Variants in FHIT observed in about 807,000 individuals in gnomAD.
FHIT encodes the protein fragile histidine triad diadenosine triphosphatase.
A neutral mutation model predicts 17.9 loss-of-function variants in FHIT; 19 were observed. The ratio of observed to expected loss-of-function variants is 1.06; its 90% CI spans 0.74 to 1.56. The LOEUF (loss-of-function observed/expected upper bound fraction) is 1.56, where lower values mean the gene tolerates loss of function less well. Ranked by LOEUF, FHIT falls within the 40% of genes most tolerant of loss-of-function variation. FHIT has a pLI of 0.00. For synonymous variants in FHIT, 81 were observed against 69.7 expected (o/e 1.16, Z -0.81); for missense variants, 248 against 189.2 (o/e 1.31, Z -1.82).
intron 1 of FHIT, among the ~76,000 whole-genome samples, chr3:61,244,723 G>A (rs1397533480): frequency 2.6e-5 from 4 of 152,188 alleles, no homozygotes; most frequent in African/African-American, 9.6e-5. Flanking sequence ...GGGTTACAGA[G>A]AATCTGAACA....
At chr3:60,656,531 C>T (rs2040120320) in intron 4 of FHIT, among the ~76,000 whole-genome samples, 1 of 152,150 alleles carries the variant, frequency 6.6e-6, no homozygotes, top group African/African-American at 2.4e-5. Context: ...CTCCTCCTCT[C>T]TCCAAAGGGA....
chr3:59,814,847 G>A (rs1302131869), intron 8 of FHIT, among the ~76,000 whole-genome samples: 1 of 151,912 alleles, frequency 6.6e-6, no homozygotes, highest in Non-Finnish European at 1.5e-5. Flanking sequence ...TTGTCCTCCT[G>A]TTCTCACAAA....
chr3:61,177,101 T>C (rs1463023219), intron 2 of FHIT, among the ~76,000 whole-genome samples: 4 of 150,732 alleles, frequency 2.7e-5, no homozygotes, highest in Non-Finnish European at 5.9e-5. Flanking sequence ...GGTGTGAACC[T>C]GGGAGGCGGA....
At chr3:61,075,315 A>G (rs2034939521) in intron 2 of FHIT, among the ~76,000 whole-genome samples, 1 of 152,116 alleles carries the variant, frequency 6.6e-6, no homozygotes, top group African/African-American at 2.4e-5. Flanking sequence ...GGGGAGTACT[A>G]TAAGGGATGT....
intron 5 of FHIT, among the ~76,000 whole-genome samples, chr3:60,276,227 C>T (rs996116609): frequency 6.6e-6 from 1 of 152,102 alleles, no homozygotes; most frequent in African/African-American, 2.4e-5. Flanking sequence ...ACCTCGTGAT[C>T]CGCCTGCCTC....
At chr3:60,787,854 A>G (rs1553727394) in intron 4 of FHIT, among the ~76,000 whole-genome samples, 1 of 152,178 alleles carries the variant, frequency 6.6e-6, no homozygotes, top group Non-Finnish European at 1.5e-5. Flanking sequence ...TTTCTGATCT[A>G]TTAAATGCCA....
chr3:60,170,234 G>A (rs1056182380), intron 5 of FHIT, among the ~76,000 whole-genome samples: 5 of 152,120 alleles, frequency 3.3e-5, no homozygotes, highest in Non-Finnish European at 4.4e-5. Context: ...GCAAGTGGCT[G>A]GGCAACTGTC....
intron 5 of FHIT, among the ~76,000 whole-genome samples, chr3:60,341,130 T>C (rs545107410): frequency 3.5e-4 from 54 of 152,334 alleles, no homozygotes; most frequent in African/African-American, 1.3e-3. Context: ...ACGGATTTTG[T>C]TATACGATGA....
intron 8 of FHIT, among the ~76,000 whole-genome samples, chr3:59,791,894 C>T (rs1699577659): frequency 6.6e-6 from 1 of 152,130 alleles, no homozygotes; most frequent in Non-Finnish European, 1.5e-5. Flanking sequence ...AGAAAATGGC[C>T]TTCAGCCAGT....
chr3:60,324,444 G>C (rs1048883731), intron 5 of FHIT, among the ~76,000 whole-genome samples: 1 of 152,082 alleles, frequency 6.6e-6, no homozygotes, highest in African/African-American at 2.4e-5. Flanking sequence ...AATTAGCCGG[G>C]CGTGGTGGCG....
At chr3:60,100,467 G>A (rs568043665) in intron 5 of FHIT, among the ~76,000 whole-genome samples, 133 of 152,136 alleles carry the variant, frequency 8.7e-4, no homozygotes, top group Non-Finnish European at 1.7e-3. Context: ...TTTGACTCTT[G>A]GCCAAGTCCA....
chr3:60,261,171 T>A (rs991542853), intron 5 of FHIT, among the ~76,000 whole-genome samples: 1 of 152,060 alleles, frequency 6.6e-6, no homozygotes, highest in Admixed American at 6.6e-5. Flanking sequence ...AAAGTACTTA[T>A]CCCTTTACTT....
At chr3:61,168,532 G>T (rs1446320657) in intron 2 of FHIT, among the ~76,000 whole-genome samples, 5 of 152,198 alleles carry the variant, frequency 3.3e-5, no homozygotes, top group African/African-American at 1.2e-4. Flanking sequence ...GAAGACCCAA[G>T]TCAACCTTGT....
intron 4 of FHIT, among the ~76,000 whole-genome samples, chr3:60,600,331 A>T (rs2038401840): frequency 6.9e-6 from 1 of 144,338 alleles, no homozygotes; most frequent in African/African-American, 2.6e-5. Flanking sequence ...ATTAAAAAAA[A>T]ATAAGCAGCA....
chr3:60,309,984 G>C (rs1385336613), intron 5 of FHIT, among the ~76,000 whole-genome samples: 1 of 152,078 alleles, frequency 6.6e-6, no homozygotes. Context: ...AGCTCCTTGA[G>C]GACAAGGACA....
chr3:60,818,218 G>C (rs577408470), intron 4 of FHIT, among the ~76,000 whole-genome samples: 1 of 152,182 alleles, frequency 6.6e-6, no homozygotes, highest in African/African-American at 2.4e-5. Flanking sequence ...TCCCACATTT[G>C]GCTCATCTTG....
At chr3:59,972,031 T>C (rs1425472761) in intron 7 of FHIT, among the ~76,000 whole-genome samples, 2 of 152,116 alleles carry the variant, frequency 1.3e-5, no homozygotes, top group Non-Finnish European at 2.9e-5. Context: ...CAGCCTTGAA[T>C]GGATAGGAAT....
At chr3:61,035,914 T>A (rs1037394317) in intron 3 of FHIT, among the ~76,000 whole-genome samples, 2 of 152,350 alleles carry the variant, frequency 1.3e-5, no homozygotes, top group Admixed American at 1.3e-4. Flanking sequence ...AGGTGTTCAG[T>A]TTCATTTCTC....
intron 4 of FHIT, among the ~76,000 whole-genome samples, chr3:60,539,636 T>C (rs2107604369): frequency 1.3e-5 from 2 of 152,298 alleles, no homozygotes; most frequent in South Asian, 4.1e-4. Context: ...TTCATGTCCT[T>C]TGTAGGGACA....
Sources: gnomAD v4.1 joint callset for allele counts (sites outside exome capture counted in the v4.1 genomes callset) on GRCh38, gnomAD v4.1.1 for gene constraint, MANE v1.5 for transcripts, NCBI Gene and HGNC (gene_info 2026-07-23, HGNC 2026-07-21) for gene names.